BLVRA: variants seen among roughly 807,000 people sequenced by gnomAD.
The protein encoded by BLVRA is biliverdin reductase A, also known as BVR A.
A neutral mutation model predicts 32.8 loss-of-function variants in BLVRA; 22 were observed. That is an observed-to-expected ratio of 0.67 (90% CI 0.48 to 0.96). The LOEUF (loss-of-function observed/expected upper bound fraction) is 0.96, where lower values mean the gene tolerates loss of function less well. BLVRA is among the 40% of genes least tolerant of loss of function. BLVRA has a pLI of 0.00. For synonymous variants in BLVRA, 119 were observed against 141.3 expected (o/e 0.84, Z 1.12); for missense variants, 323 against 358.1 (o/e 0.90, Z 0.79).
intron 5 of BLVRA, among the ~76,000 whole-genome samples, chr7:43,794,356 A>T (rs1055014993): frequency 2.0e-5 from 3 of 152,244 alleles, no homozygotes; most frequent in African/African-American, 7.2e-5. Context: ...TGAAAACACT[A>T]GACAGCAACA....
At position 43,783,605 on chromosome 7, in the gene BLVRA, G is replaced by T. The variant is rs1247691786; in HGVS notation, c.13-4299G>T. On this transcript the variant is annotated intron_variant, in intron 2 of 7. Coordinates refer to ENST00000265523, the MANE Select transcript of BLVRA (RefSeq NM_000712.4). ...TCTTTTGCTTGTTATAAGCAAGGCT[G>T]CAGTAAGCCTAAGTCACTTGACTTG... Among the ~76,000 whole-genome samples, 3 of 152,172 alleles carry T rather than the reference G, an allele frequency of 2.0e-5. No individual in the cohort carries two copies. The East Asian group carries it at 5.8e-4, about 29-fold the overall frequency.
chr7:43,792,812 G>A lies in BLVRA; in HGVS notation c.352G>A (p.Gly118Arg). The A allele has an allele frequency of 1.2e-6, 2 of 1,613,770 alleles. No homozygotes were observed. Among genetic ancestry groups the A allele is most frequent in the Non-Finnish European group, 1.7e-6 (2 of 1,179,768 alleles). Reference protein sequence around the residue: ...QELWELAEQKGKVLHEEHVEL... With the variant: ...QELWELAEQKRKVLHEEHVEL... ...ACTGTGGGAGCTGGCTGAGCAGAAA[G>A]GTAATGTATCTTACCAAGAGTTTCT... The change falls in exon 5 of 8, where the codon GGA becomes AGA. Residue 118 changes from glycine (G) to arginine (R), a missense_variant and splice_region_variant. Physicochemically the swap from Gly to Arg is moderately radical, Grantham distance 125 (BLOSUM62 -2). Coordinates refer to ENST00000265523, the MANE Select transcript of BLVRA (RefSeq NM_000712.4).
Position 43,803,755 on chromosome 7 carries a change from T to G in BLVRA, c.540T>G (p.Phe180Leu), listed in dbSNP as rs750976233. ...GCCTGACCTGGCTGGTCTCCCTCTT[T>G]GGGGAGCTTTCTCTTGTGTCTGCCA... ...ISRLTWLVSL[F>L]GELSLVSATL... Residue 180 changes from phenylalanine to leucine, a missense_variant, in exon 7 of 8, where the codon TTT (phenylalanine) becomes TTG (leucine). Phe to Leu is a conservative substitution (Grantham distance 22). Transcript: ENST00000265523. The G allele has an allele frequency of 4.0e-5, 64 of 1,614,004 alleles. No individual in the cohort carries two copies. The highest frequency in any genetic ancestry group is 5.4e-5 in the Non-Finnish European group (64 of 1,180,014).
chr7:43,798,873 G>A (rs889625086), intron 5 of BLVRA, among the ~76,000 whole-genome samples: 2 of 151,820 alleles, frequency 1.3e-5, no homozygotes, highest in Non-Finnish European at 2.9e-5. Context: ...AACAACAAAA[G>A]ACACAGCTGG....
chr7:43,785,581 A>G (rs1323984245), intron 2 of BLVRA, among the ~76,000 whole-genome samples: 2 of 152,180 alleles, frequency 1.3e-5, no homozygotes, highest in African/African-American at 4.8e-5. Flanking sequence ...GTTCAGTCAG[A>G]TGTGTGAGCC....
intron 1 of BLVRA, among the ~76,000 whole-genome samples, chr7:43,761,658 G>T (rs1431436321): frequency 1.3e-5 from 2 of 152,136 alleles, no homozygotes; most frequent in African/African-American, 4.8e-5. Flanking sequence ...AATTTTCTGT[G>T]GACTTCATTA....
At position 43,807,213 on chromosome 7, in the gene BLVRA, A is replaced by G. The variant is rs142695242; in HGVS notation, c.869A>G (p.Lys290Arg). Residue 290 changes from lysine to arginine, a missense_variant, in exon 8 of 8, where the codon AAA becomes AGA. By Grantham distance (26) the Lys-to-Arg change is conservative (BLOSUM62 2). Coordinates refer to ENST00000265523, the MANE Select transcript of BLVRA (RefSeq NM_000712.4). ...HCLGLAEEIQ[K>R]YCCSRK Reference sequence around the variant, plus strand: ...CTGGGGCTTGCAGAAGAAATCCAGAAATATTGCTGTTCAAGGAAGTAAGAG... The same window carrying G: ...CTGGGGCTTGCAGAAGAAATCCAGAGATATTGCTGTTCAAGGAAGTAAGAG... The G allele has an allele frequency of 1.9e-6, 3 of 1,608,092 alleles. No homozygotes were observed. Among genetic ancestry groups the G allele is most frequent in the Non-Finnish European group, 2.5e-6 (3 of 1,179,986 alleles).
rs534811954 is a variant in BLVRA at position 43,803,553 on chromosome 7, G to A, written c.461-123G>A. ...GTTGCCTGCCTACCACATAAGGCAA[G>A]GTCCCATTGTACTGATCACTCGGCC... On this transcript the variant is annotated intron_variant, in intron 6 of 7. Coordinates refer to ENST00000265523, the MANE Select transcript of BLVRA (RefSeq NM_000712.4). 23 of 1,093,488 alleles carry A rather than the reference G, an allele frequency of 2.1e-5. No homozygotes were observed. The East Asian group carries it at 5.5e-4, about 26-fold the overall frequency. The allele number at this position is 1,093,488 out of a possible 1,614,324, so 67.7% of individuals were successfully genotyped here.
intron 5 of BLVRA, among the ~76,000 whole-genome samples, chr7:43,796,315 C>T (rs994934437): frequency 1.3e-5 from 2 of 152,028 alleles, no homozygotes; most frequent in Non-Finnish European, 2.9e-5. Flanking sequence ...TACCTAGTAG[C>T]ATATAACCTA....
intron 7 of BLVRA, 146 bp downstream of exon 7, chr7:43,803,993 T>C (rs146464668): frequency 5.5e-6 from 5 of 915,904 alleles, no homozygotes; most frequent in Non-Finnish European, 8.5e-6. Flanking sequence ...AGTGCTGAGA[T>C]TGCACTTGTG....
intron 1 of BLVRA, chr7:43,767,524 T>C (rs981757693): frequency 1.2e-5 from 14 of 1,156,272 alleles, no homozygotes; most frequent in South Asian, 4.9e-5. Flanking sequence ...TCACCGGCCA[T>C]GTGGTGCTGG....
intron 1 of BLVRA, among the ~76,000 whole-genome samples, chr7:43,760,430 A>G (rs1423508700): frequency 2.6e-5 from 4 of 152,158 alleles, no homozygotes; most frequent in Admixed American, 2.6e-4. Flanking sequence ...CTGACAGGGA[A>G]TCCCACTGTG....
At chr7:43,800,353 G>A (rs2095797276) in intron 5 of BLVRA, 112 bp from the exon 6 acceptor site, 4 of 1,003,960 alleles carry the variant, frequency 4.0e-6, no homozygotes, top group Non-Finnish European at 6.3e-6. Flanking sequence ...ATGTGCCCAG[G>A]GCAGTTATGA....
At chr7:43,793,636 T>TTG (rs1372342713) in intron 5 of BLVRA, among the ~76,000 whole-genome samples, 1 of 150,188 alleles carries the variant, frequency 6.7e-6, no homozygotes, top group Non-Finnish European at 1.5e-5. Context: ...TTTTTTTTTT[T>TTG]GGTGGGGTAC....
intron 1 of BLVRA, 85 bp downstream of exon 1, chr7:43,758,819 G>C (rs1204871964): frequency 2.0e-5 from 3 of 151,532 alleles, no homozygotes; most frequent in Non-Finnish European, 4.4e-5. Flanking sequence ...GCCTGAGCTC[G>C]AAGCCCCAGG....
chr7:43,758,485 T>C (rs1432572593), upstream of BLVRA, among the ~76,000 whole-genome samples: 5 of 136,950 alleles, frequency 3.7e-5, no homozygotes, highest in Non-Finnish European at 8.5e-5. Context: ...GCACGGACGG[T>C]TCTTACGGCC....
Position 43,791,367 on chromosome 7 carries a change from AGGTG to A in BLVRA, c.254+3_254+6del. ...GAGCTCCAGCCATGAGGACTACATC[AGGTG>A]GGTTTTCCACACAGGCAGTCCTTGC... On this transcript the variant is annotated splice_donor_variant and splice_donor_region_variant and coding_sequence_variant and intron_variant, in exon 4 of 8. Transcript: ENST00000265523. LOFTEE classifies it high-confidence loss of function. 1 of 1,614,196 alleles carries A rather than the reference AGGTG, an allele frequency of 6.2e-7. No homozygotes were observed. Among genetic ancestry groups the A allele is most frequent in the Non-Finnish European group, 8.5e-7 (1 of 1,180,008 alleles).
intron 5 of BLVRA, among the ~76,000 whole-genome samples, chr7:43,799,420 G>A (rs1159065489): frequency 6.6e-6 from 1 of 152,106 alleles, no homozygotes; most frequent in African/African-American, 2.4e-5. Context: ...AATTTTTATA[G>A]AGCGAAAAAA....
intron 6 of BLVRA, 85 bp downstream of exon 6, chr7:43,800,657 T>C: frequency 8.2e-7 from 1 of 1,218,458 alleles, no homozygotes; most frequent in Non-Finnish European, 1.2e-6. Flanking sequence ...TGGGAGCTTA[T>C]ATTCATTTCT....
Sources: allele counts gnomAD v4.1 joint callset (sites outside exome capture counted in the v4.1 genomes callset), GRCh38; gene constraint gnomAD v4.1.1; transcripts MANE v1.5; gene names NCBI Gene and HGNC (gene_info 2026-07-23, HGNC 2026-07-21).